POR: variants seen among roughly 807,000 people sequenced by gnomAD.
POR encodes cytochrome p450 oxidoreductase, also known as NADPH--cytochrome P450 reductase.
A neutral mutation model predicts 84.0 loss-of-function variants in POR; 56 were observed. That is an observed-to-expected ratio of 0.67 (90% CI 0.54 to 0.83). The LOEUF (loss-of-function observed/expected upper bound fraction) is 0.83. Among genes scored for constraint, POR ranks in the 40% least tolerant of loss-of-function variants. The pLI, the probability that POR is intolerant of heterozygous loss-of-function variation, is 0.00. For missense variants in POR, 938 were observed against 944.3 expected, an observed-to-expected ratio of 0.99 and a Z score of 0.09; for synonymous variants, 414 against 400.5, an observed-to-expected ratio of 1.03 and a Z score of -0.40.
chr7:75,969,261 C>T (rs1235605163), intron 2 of POR, among the ~76,000 whole-genome samples: 1 of 152,240 alleles, frequency 6.6e-6, no homozygotes, highest in Admixed American at 6.5e-5. Flanking sequence ...ACTGGGGAGG[C>T]TGCAATAACC....
intron 6 of POR, 119 bp from the exon 7 acceptor site, chr7:75,981,398 C>T (rs782388402): frequency 8.1e-7 from 1 of 1,233,112 alleles, no homozygotes; most frequent in African/African-American, 1.5e-5. Flanking sequence ...CGCTGGGTGC[C>T]CCAGGGTGCA....
intron 4 of POR, among the ~76,000 whole-genome samples, chr7:75,980,023 G>A (rs1301125642): frequency 6.6e-6 from 1 of 152,174 alleles, no homozygotes; most frequent in African/African-American, 2.4e-5. Context: ...TTGGAATGAG[G>A]TTCCCAGGGT....
rs1010901261 is a variant in POR, at chr7:75,956,103, A to G, written c.188+1923A>G. On this transcript the variant is annotated intron_variant, in intron 2 of 15. Coordinates refer to ENST00000461988, the MANE Select transcript of POR (RefSeq NM_000941.3). Reference sequence around the variant, plus strand: ...CACTTGAGGTCAGGAGTTCGAGACCAGCCTGGCCAACATGGCGAAACCCCG... The same window carrying G: ...CACTTGAGGTCAGGAGTTCGAGACCGGCCTGGCCAACATGGCGAAACCCCG... 3.3e-5 allele frequency among the ~76,000 whole-genome samples: 5 copies of G among 152,288 alleles called. No homozygotes were observed. The East Asian group carries it at 7.7e-4, about 24-fold the overall frequency.
Position 75,983,568 on chromosome 7 carries a change from G to A in POR, c.879G>A (p.Arg293=). ...TCCTGGCTGCAGTCACCACCAACCGGAAGCTGAACCAGGGAACCGAGCGCC... is the reference window on the plus strand; with the variant it reads ...TCCTGGCTGCAGTCACCACCAACCGAAAGCTGAACCAGGGAACCGAGCGCC... The change falls in exon 9 of 16, where the codon CGG becomes CGA. Residue 293 remains arginine (R), a synonymous_variant. Transcript: ENST00000461988. The A allele has an allele frequency of 6.2e-7, 1 of 1,613,128 alleles. No homozygotes were observed. Among genetic ancestry groups the A allele is most frequent in the Non-Finnish European group, 8.5e-7 (1 of 1,179,856 alleles).
chr7:75,927,434 C>A (rs1416480748), intron 1 of POR, among the ~76,000 whole-genome samples: 2 of 151,510 alleles, frequency 1.3e-5, no homozygotes, highest in South Asian at 2.1e-4. Flanking sequence ...AGCAGCCTGG[C>A]TGACAGAGTG....
intron 8 of POR, among the ~76,000 whole-genome samples, chr7:75,982,667 G>A (rs951450405): frequency 3.9e-5 from 6 of 152,074 alleles, no homozygotes; most frequent in East Asian, 1.9e-4. Context: ...ACTTGGGGGA[G>A]AAACCTGGCG....
At chr7:75,933,376 G>GTTTTTTTTTTTTTTTTT in intron 1 of POR, among the ~76,000 whole-genome samples, 1 of 92,086 alleles carries the variant, frequency 1.1e-5, no homozygotes, top group Non-Finnish European at 2.5e-5. Flanking sequence ...ATAGGTCTTT[G>GTTTTTTTTTTTTTTTTT]TTTTTTTTTT....
rs1164561436 is a variant in POR, at chr7:75,979,686, T to C, written c.366+107T>C. 4.8e-6 allele frequency: 7 copies of C among 1,469,784 alleles called. No homozygotes were observed. The African/African-American group carries it at 9.7e-5, about 20-fold the overall frequency. 91.0% of individuals were successfully genotyped at this position (1,469,784 alleles called of 1,614,324 possible). On this transcript the variant is annotated intron_variant, in intron 4 of 15. Coordinates refer to ENST00000461988, the MANE Select transcript of POR (RefSeq NM_000941.3). ...GGGAGGCCGGCAGGGAGTGGGGTCC[T>C]GGGAAGACGTCCTCGGAAGTTGCCT... is the stretch of plus-strand genomic sequence containing the variant.
In POR at chr7:75,954,173, C is replaced by G; in HGVS notation, c.181C>G (p.Gln61Glu). ...AGAAGTCCCCGAGTTCACCAAAATT[C>G]AGACATTGTAAGTGCCGCCTCTCAG... The change falls in exon 2 of 16, where the codon CAG (glutamine) becomes GAG (glutamate). Residue 61 changes from glutamine (Q) to glutamate (E), a missense_variant. Transcript: ENST00000461988. 6.2e-7 allele frequency: 1 copy of G among 1,608,736 alleles called. No individual in the cohort carries two copies. Among genetic ancestry groups the G allele is most frequent in the Non-Finnish European group, 8.5e-7 (1 of 1,177,278 alleles).
intron 1 of POR, among the ~76,000 whole-genome samples, chr7:75,932,463 T>C (rs1807468302): frequency 6.6e-6 from 1 of 152,112 alleles, no homozygotes; most frequent in African/African-American, 2.4e-5. Flanking sequence ...ACTACAGGCA[T>C]GTACCACTGC....
chr7:75,985,021 G>T (rs782759993), intron 11 of POR, 37 bp from the exon 12 acceptor site: 1 of 1,582,454 alleles, frequency 6.3e-7, no homozygotes, highest in Admixed American at 1.7e-5. Context: ...AGCTCCGTGG[G>T]CCCCAATCAG....
intron 1 of POR, among the ~76,000 whole-genome samples, chr7:75,936,384 A>G (rs942561286): frequency 4.6e-5 from 7 of 151,606 alleles, no homozygotes; most frequent in African/African-American, 1.7e-4. Context: ...CTGAGATTAT[A>G]GGCGTGAGCC....
chr7:75,953,092 G>A (rs1554553140), intron 1 of POR, among the ~76,000 whole-genome samples: 3 of 152,188 alleles, frequency 2.0e-5, no homozygotes, highest in African/African-American at 7.2e-5. Context: ...CGAGGCTGGA[G>A]GATCACTCGC....
intron 1 of POR, among the ~76,000 whole-genome samples, chr7:75,937,697 G>C (rs1554551023): frequency 1.3e-5 from 2 of 151,676 alleles, no homozygotes; most frequent in Admixed American, 6.6e-5. Flanking sequence ...CAGGAGAATC[G>C]CTTGAACCTG....
At chr7:75,985,253 C>T (rs782097978) in intron 12 of POR, 46 bp downstream of exon 12, 1 of 1,533,648 alleles carries the variant, frequency 6.5e-7, no homozygotes, top group Non-Finnish European at 8.8e-7. Context: ...GAGGCCCAGC[C>T]CTGCTCACAG....
chr7:75,961,104 G>A (rs532409766), intron 2 of POR, among the ~76,000 whole-genome samples: 2 of 151,794 alleles, frequency 1.3e-5, no homozygotes, highest in African/African-American at 2.4e-5. Flanking sequence ...ATGGTGGTGC[G>A]TGCCTGTAAT....
At chr7:75,942,966 T>TA in intron 1 of POR, among the ~76,000 whole-genome samples, 1 of 151,528 alleles carries the variant, frequency 6.6e-6, no homozygotes, top group Admixed American at 6.6e-5. Flanking sequence ...TTTTTTTTTT[T>TA]ATTGAGATGG....
At chr7:75,927,716 G>A (rs1366525781) in intron 1 of POR, among the ~76,000 whole-genome samples, 1 of 150,276 alleles carries the variant, frequency 6.7e-6, no homozygotes, top group Non-Finnish European at 1.5e-5. Context: ...TGTGGTCCAG[G>A]CTGGAGTGCA....
chr7:75,945,965 C>G (rs545853464), intron 1 of POR, among the ~76,000 whole-genome samples: 2 of 152,264 alleles, frequency 1.3e-5, no homozygotes, highest in African/African-American at 4.8e-5. Context: ...TTGCGTCATT[C>G]TCCCTTTCAG....
Sources: allele counts gnomAD v4.1 joint callset (sites outside exome capture counted in the v4.1 genomes callset), GRCh38; gene constraint gnomAD v4.1.1; transcripts MANE v1.5; gene names NCBI Gene and HGNC (gene_info 2026-07-23, HGNC 2026-07-21).